The following MTCH2 variants were observed in gnomAD, a reference collection of about 807,000 sequenced individuals.
The protein encoded by MTCH2 is mitochondrial carrier homolog 2.
A neutral mutation model predicts 50.6 loss-of-function variants in MTCH2; 25 were observed. That is an observed-to-expected ratio of 0.49 (90% CI 0.36 to 0.69). The LOEUF (loss-of-function observed/expected upper bound fraction) is 0.69, where lower values mean the gene tolerates loss of function less well. MTCH2 is among the 30% of genes least tolerant of loss of function. MTCH2 has a pLI of 0.00. For synonymous variants in MTCH2, 106 were observed against 132.0 expected (o/e 0.80, Z 1.35); for missense variants, 273 against 384.4 (o/e 0.71, Z 2.42).
intron 12 of MTCH2, among the ~76,000 whole-genome samples, chr11:47,620,813 T>C (rs2097292596): frequency 6.6e-6 from 1 of 152,212 alleles, no homozygotes; most frequent in Non-Finnish European, 1.5e-5. Flanking sequence ...TCTTCATATG[T>C]GAAATGGGTG....
chr11:47,608,385 G>GA, the MTCH2 span, among the ~76,000 whole-genome samples: 150,115 of 152,246 alleles, frequency 0.99, 74,039 homozygotes, highest in Middle Eastern at 1. Context: ...AGGCTTTTGA[G>GA]AAAGATGGGA....
At chr11:47,626,615 TTCTC>T (rs1274388510) in intron 10 of MTCH2, among the ~76,000 whole-genome samples, 1 of 152,094 alleles carries the variant, frequency 6.6e-6, no homozygotes, top group African/African-American at 2.4e-5. Context: ...AACTGAGTTA[TTCTC>T]TCTTTTTTTT....
chr11:47,629,247 C>T, intron 8 of MTCH2: 2 of 535,620 alleles, frequency 3.7e-6, no homozygotes, highest in Non-Finnish European at 3.4e-6. Flanking sequence ...TCTCCAGTGA[C>T]TTTTGTTCCT....
At position 47,624,823 on chromosome 11, in the gene MTCH2, C is replaced by CA. The variant is rs532105051; in HGVS notation, c.749+850dup. Among the ~76,000 whole-genome samples, 747 of 152,346 alleles carry CA rather than the reference C, an allele frequency of 4.9e-3. 8 individuals carry two copies. The highest frequency in any genetic ancestry group is 0.017 in the African/African-American group (724 of 41,584). ...TAAAAATAGGCCAGGTGCAGTGGCT[C>CA]ACGCCTTTAATTCCAGCGCTTTGGA... On this transcript the variant is annotated intron_variant, in intron 11 of 12. Transcript: ENST00000302503.
At chr11:47,614,533 T>C (rs2097287269), downstream of MTCH2, among the ~76,000 whole-genome samples, 1 of 152,034 alleles carries the variant, frequency 6.6e-6, no homozygotes, top group Non-Finnish European at 1.5e-5. Flanking sequence ...ATGGCACCAT[T>C]TTTGCCCACT....
rs781341386 is a variant in MTCH2 at position 47,618,850 on chromosome 11, G to A, written c.895C>T (p.Leu299=). 6.2e-6 allele frequency: 10 copies of A among 1,613,724 alleles called. No individual in the cohort carries two copies. The Admixed American group carries it at 1.0e-4, about 16-fold the overall frequency. The change falls in exon 13 of 13, where the codon CTG becomes TTG. Residue 299 remains leucine (L), a synonymous_variant. Coordinates refer to ENST00000302503, the MANE Select transcript of MTCH2 (RefSeq NM_014342.4). ...VPFGKTYCCD[L]KMLI is the part of the protein sequence containing the mutation. The stretch of plus-strand genomic sequence containing the variant: ...CCACATCTTCAAATTAACATTTTCA[G>A]GTCACAACAATAAGTCTTCCCAAAG...
intron 11 of MTCH2, among the ~76,000 whole-genome samples, chr11:47,624,395 G>T (rs966227922): frequency 1.3e-5 from 2 of 152,070 alleles, no homozygotes; most frequent in Non-Finnish European, 2.9e-5. Flanking sequence ...CCTAATTCTG[G>T]TTCTTTAAAA....
chr11:47,629,692 G>A (rs1487626986), intron 8 of MTCH2, among the ~76,000 whole-genome samples: 4 of 151,692 alleles, frequency 2.6e-5, no homozygotes, highest in Non-Finnish European at 4.4e-5. Flanking sequence ...TAGCTGTCCT[G>A]CCTATCTCAC....
chr11:47,632,297 T>C (rs773062094), intron 5 of MTCH2, among the ~76,000 whole-genome samples: 4 of 152,112 alleles, frequency 2.6e-5, no homozygotes, highest in Non-Finnish European at 5.9e-5. Flanking sequence ...AATTAAATTA[T>C]AATCTTTGCA....
chr11:47,633,526 A>ATATATATATATATATATATATAT (rs1378774715), intron 5 of MTCH2, among the ~76,000 whole-genome samples: 1 of 35,076 alleles, frequency 2.9e-5, no homozygotes, highest in Non-Finnish European at 5.9e-5. Context: ...ATATATATAT[A>ATATATATATATATATATATATAT]TTTTTTTTTT....
rs541146057 is a variant in MTCH2 at position 47,632,594 on chromosome 11, A to C, written c.370-883T>G. ...AGGATGGTCTCGATCTCCTGACCTC[A>C]TGATCCGCCCGCCTCGGCCTCCCAA... On this transcript the variant is annotated intron_variant, in intron 5 of 12. Coordinates refer to ENST00000302503, the MANE Select transcript of MTCH2 (RefSeq NM_014342.4). Among the ~76,000 whole-genome samples the C allele has an allele frequency of 3.6e-3, 541 of 151,994 alleles. 3 individuals carry two copies. The highest frequency in any genetic ancestry group is 0.013 in the African/African-American group (526 of 41,490).
chr11:47,636,344 G>T (rs1357883555), intron 3 of MTCH2, among the ~76,000 whole-genome samples: 1 of 151,998 alleles, frequency 6.6e-6, no homozygotes. Flanking sequence ...TGAGACAGGA[G>T]AATTGCTTGA....
At chr11:47,620,583 G>A (rs2097292401) in intron 12 of MTCH2, among the ~76,000 whole-genome samples, 1 of 152,184 alleles carries the variant, frequency 6.6e-6, no homozygotes, top group African/African-American at 2.4e-5. Context: ...TACCCCAGGA[G>A]TTTGAGGCTA....
intron 12 of MTCH2, among the ~76,000 whole-genome samples, chr11:47,622,465 C>T (rs942911602): frequency 4.6e-5 from 7 of 152,290 alleles, no homozygotes; most frequent in Non-Finnish European, 8.8e-5. Context: ...TAGGTCTCAT[C>T]TAGGGATTCT....
chr11:47,612,893 A>G (rs2097286360), downstream of MTCH2, among the ~76,000 whole-genome samples: 1 of 152,040 alleles, frequency 6.6e-6, no homozygotes, highest in Non-Finnish European at 1.5e-5. Flanking sequence ...AAAATATAAA[A>G]TGAGATGTCA....
chr11:47,631,151 G>C, intron 6 of MTCH2, 64 bp from the exon 7 acceptor site: 1 of 1,384,114 alleles, frequency 7.2e-7, no homozygotes, highest in Admixed American at 1.7e-5. Flanking sequence ...GCTCACACCT[G>C]TAATCCCAGC....
intron 5 of MTCH2, among the ~76,000 whole-genome samples, chr11:47,632,941 C>G (rs144846103): frequency 6.9e-4 from 105 of 151,804 alleles, no homozygotes; most frequent in African/African-American, 2.5e-3. Context: ...ACCTCGTGAT[C>G]TGCCCGCCTC....
intron 3 of MTCH2, among the ~76,000 whole-genome samples, chr11:47,636,808 T>G (rs771733448): frequency 8.6e-5 from 13 of 151,918 alleles, no homozygotes; most frequent in Non-Finnish European, 1.5e-4. Context: ...TCCCAACACT[T>G]TGGAAGGCCG....
chr11:47,631,682 A>C lies in MTCH2; in HGVS notation c.399T>G (p.Ala133=), dbSNP rs1458009314. ...ETTREMIARS[A]ATLITHPFHV... ...GGAAGGGATGTGTGATGAGGGTAGCAGCAGAACGAGCGATCATCTCTCGAG... is the reference window on the plus strand; with the variant it reads ...GGAAGGGATGTGTGATGAGGGTAGCCGCAGAACGAGCGATCATCTCTCGAG... Residue 133 remains alanine, a synonymous_variant, in exon 6 of 13, where the codon GCT becomes GCG. Coordinates refer to ENST00000302503, the MANE Select transcript of MTCH2 (RefSeq NM_014342.4). The C allele has an allele frequency of 6.2e-7, 1 of 1,614,046 alleles. No homozygotes were observed. Among genetic ancestry groups the C allele is most frequent in the African/African-American group, 1.3e-5 (1 of 74,942 alleles).
Sources: allele counts gnomAD v4.1 joint callset (sites outside exome capture counted in the v4.1 genomes callset), GRCh38; gene constraint gnomAD v4.1.1; transcripts MANE v1.5; gene names NCBI Gene and HGNC (gene_info 2026-07-23, HGNC 2026-07-21).